Variants in PDE4D observed in about 807,000 individuals in gnomAD.
The protein encoded by PDE4D is 3',5'-cyclic-AMP phosphodiesterase 4D.
A neutral mutation model predicts 87.4 loss-of-function variants in PDE4D; 24 were observed. That is an observed-to-expected ratio of 0.27 (90% confidence interval 0.20 to 0.39). The LOEUF (loss-of-function observed/expected upper bound fraction) is 0.39, where lower values mean the gene tolerates loss of function less well. PDE4D is among the 10% of genes least tolerant of loss of function. The probability of loss-of-function intolerance (pLI) is 1.00; values close to 1 mark genes in which losing one functional copy is unlikely to be tolerated. For synonymous variants in PDE4D, 384 were observed against 383.2 expected, an observed-to-expected ratio of 1.00 and a Z score of -0.02; for missense variants, 714 against 1,041.0, an observed-to-expected ratio of 0.69 and a Z score of 4.32.
At chr5:59,427,292 T>TACACACAC (rs60646746) in intron 1 of PDE4D, among the ~76,000 whole-genome samples, 1,417 of 132,340 alleles carry the variant, frequency 0.011, 6 homozygotes, top group South Asian at 0.015. Flanking sequence ...AGTGATTTTA[T>TACACACAC]ACACACACAC....
chr5:60,367,696 T>C (rs1344280016), intron 1 of PDE4D, among the ~76,000 whole-genome samples: 1 of 152,160 alleles, frequency 6.6e-6, no homozygotes, highest in East Asian at 1.9e-4. Flanking sequence ...CCTGATGCCC[T>C]GGCTCAGTAT....
Position 59,596,140 on chromosome 5 carries a change from C to T in PDE4D, c.455+297028G>A, listed in dbSNP as rs570037629. 7.9e-5 allele frequency among the ~76,000 whole-genome samples: 12 copies of T among 151,572 alleles called. No homozygotes were observed. In the South Asian group the frequency reaches 8.3e-4, roughly 10 times the overall value. On this transcript the variant is annotated intron_variant, in intron 1 of 14. Transcript: ENST00000340635. ...CCATCCACCACTTCTAACCCATGCA[C>T]ATATATAATTACACATCATTGGCAG...
At chr5:60,278,983 A>G (rs1751631628) in intron 1 of PDE4D, among the ~76,000 whole-genome samples, 1 of 152,150 alleles carries the variant, frequency 6.6e-6, no homozygotes, top group South Asian at 2.1e-4. Context: ...GTTCATTTTT[A>G]AATTATGTTA....
chr5:60,403,053 A>G (rs2961774), intron 1 of PDE4D, among the ~76,000 whole-genome samples: 19,758 of 152,136 alleles, frequency 0.13, 1,634 homozygotes, highest in East Asian at 0.39. Flanking sequence ...CATTTAATTA[A>G]TAGGAAATCT....
At chr5:59,695,502 G>A (rs1751640810) in intron 1 of PDE4D, among the ~76,000 whole-genome samples, 1 of 152,138 alleles carries the variant, frequency 6.6e-6, no homozygotes, top group Admixed American at 6.5e-5. Context: ...TCTTGTCTGG[G>A]CCCTAGCAAC....
chr5:59,702,869 C>CAAA (rs71604798), intron 1 of PDE4D, among the ~76,000 whole-genome samples: 27,914 of 69,534 alleles, frequency 0.4, 5,025 homozygotes, highest in East Asian at 0.56. Context: ...GACCCTGTCT[C>CAAA]AAAAAAAAAA....
chr5:59,989,884 A>G (rs1762835798), intron 2 of PDE4D, among the ~76,000 whole-genome samples: 1 of 152,102 alleles, frequency 6.6e-6, no homozygotes, highest in African/African-American at 2.4e-5. Context: ...ATTTGTATTG[A>G]TAGTGTGTTG....
intron 1 of PDE4D, among the ~76,000 whole-genome samples, chr5:59,359,927 T>C (rs930315413): frequency 2.0e-5 from 3 of 152,156 alleles, no homozygotes; most frequent in Non-Finnish European, 4.4e-5. Context: ...CCAATTGTTA[T>C]CCATGTAAGT....
At chr5:59,909,775 T>C (rs1753235947) in intron 3 of PDE4D, among the ~76,000 whole-genome samples, 1 of 152,198 alleles carries the variant, frequency 6.6e-6, no homozygotes, top group Non-Finnish European at 1.5e-5. Flanking sequence ...TATTTCTATC[T>C]GGTTAGTCAT....
intron 1 of PDE4D, among the ~76,000 whole-genome samples, chr5:60,193,734 T>C (rs1740850020): frequency 6.6e-6 from 1 of 150,628 alleles, no homozygotes; most frequent in South Asian, 2.1e-4. Context: ...TGTCACAATT[T>C]TCAAGAAAAA....
intron 1 of PDE4D, among the ~76,000 whole-genome samples, chr5:59,266,667 G>T (rs1762912078): frequency 1.3e-5 from 2 of 151,804 alleles, no homozygotes; most frequent in Admixed American, 6.6e-5. Flanking sequence ...AAATCTTGGG[G>T]GGAAAGGCAG....
At chr5:59,300,309 T>G (rs779600370) in intron 1 of PDE4D, among the ~76,000 whole-genome samples, 1 of 152,058 alleles carries the variant, frequency 6.6e-6, no homozygotes, top group Non-Finnish European at 1.5e-5. Flanking sequence ...AAATCAGTGT[T>G]TCTTTGAAAT....
chr5:59,308,345 A>G (rs1216614881), intron 1 of PDE4D, among the ~76,000 whole-genome samples: 1 of 152,020 alleles, frequency 6.6e-6, no homozygotes, highest in Non-Finnish European at 1.5e-5. Context: ...TTAAAAAAAA[A>G]AGAGGTTCTG....
At chr5:59,468,123 G>A (rs1328599649) in intron 1 of PDE4D, among the ~76,000 whole-genome samples, 4 of 152,144 alleles carry the variant, frequency 2.6e-5, no homozygotes, top group Non-Finnish European at 5.9e-5. Flanking sequence ...CAGAACCAAA[G>A]GCTGTTCATC....
Position 58,992,018 on chromosome 5 carries a change from G to T in PDE4D, c.1016-14C>A, listed in dbSNP as rs1748023364. On this transcript the variant is annotated splice_polypyrimidine_tract_variant and intron_variant, in intron 7 of 14. Coordinates refer to ENST00000340635, the MANE Select transcript of PDE4D (RefSeq NM_001104631.2). The stretch of plus-strand genomic sequence containing the variant: ...CATGTTGCTTATCTTGAGAAATTTA[G>T]AAAATGTTCTATATTTATTATTAAT... The T allele has an allele frequency of 2.0e-6, 3 of 1,477,788 alleles. No homozygotes were observed. Among genetic ancestry groups the T allele is most frequent in the Non-Finnish European group, 2.7e-6 (3 of 1,099,682 alleles). The allele number at this position is 1,477,788 out of a possible 1,614,324, so 91.5% of individuals were successfully genotyped here.
At chr5:59,049,250 A>G (rs1761175780) in intron 5 of PDE4D, among the ~76,000 whole-genome samples, 1 of 152,172 alleles carries the variant, frequency 6.6e-6, no homozygotes, top group Admixed American at 6.5e-5. Flanking sequence ...ACAGGCACTC[A>G]GCAAATATTT....
At chr5:60,059,711 A>G (rs4089364) in intron 2 of PDE4D, among the ~76,000 whole-genome samples, 1 of 152,054 alleles carries the variant, frequency 6.6e-6, no homozygotes, top group Admixed American at 6.6e-5. Flanking sequence ...AATTACAAGT[A>G]TCTATGGGTA....
At chr5:59,018,702 A>C (rs1167387108) in intron 6 of PDE4D, among the ~76,000 whole-genome samples, 1 of 152,192 alleles carries the variant, frequency 6.6e-6, no homozygotes. Context: ...CTTCCCAAAT[A>C]AGGTTCTAAT....
At chr5:59,081,556 C>T (rs986884097) in intron 5 of PDE4D, among the ~76,000 whole-genome samples, 1 of 145,506 alleles carries the variant, frequency 6.9e-6, no homozygotes, top group African/African-American at 2.5e-5. Context: ...TGTTACCTGA[C>T]CTATCTCTTA....
Sources: allele counts gnomAD v4.1 joint callset (sites outside exome capture counted in the v4.1 genomes callset), GRCh38; gene constraint gnomAD v4.1.1; transcripts MANE v1.5; gene names NCBI Gene and HGNC (gene_info 2026-07-23, HGNC 2026-07-21).